Variants in EXOSC10 observed in about 807,000 individuals in gnomAD.
The protein encoded by EXOSC10 is exosome component 10.
A neutral mutation model predicts 126.6 loss-of-function variants in EXOSC10; 94 were observed. The ratio of observed to expected loss-of-function variants is 0.74; its 90% CI spans 0.63 to 0.88. The LOEUF (loss-of-function observed/expected upper bound fraction) is 0.88. Among genes scored for constraint, EXOSC10 ranks in the 40% least tolerant of loss-of-function variants. EXOSC10 has a pLI of 0.00. For synonymous variants in EXOSC10, 395 were observed against 400.8 expected (o/e 0.99, Z 0.17); for missense variants, 1,041 against 1,100.5 (o/e 0.95, Z 0.77).
intron 21 of EXOSC10, 92 bp from the exon 22 acceptor site, chr1:11,069,822 C>CAT: frequency 7.4e-7 from 1 of 1,359,590 alleles, no homozygotes; most frequent in East Asian, 2.3e-5. Context: ...GACCCAGCTG[C>CAT]CTAAGTGGTA....
chr1:11,096,467 C>CT lies in EXOSC10; in HGVS notation c.249-587dup, dbSNP rs1273630166. ...GCCCAGCCTTTTTCTTTCTTTCTTTCTTTCTTTTTTTTTTTTTTTTTTTTA... is the reference window on the plus strand; with the variant it reads ...GCCCAGCCTTTTTCTTTCTTTCTTTCTTTTCTTTTTTTTTTTTTTTTTTTTA... On this transcript the variant is annotated intron_variant, in intron 2 of 24. Coordinates refer to ENST00000376936, the MANE Select transcript of EXOSC10 (RefSeq NM_001001998.3). Among the ~76,000 whole-genome samples the CT allele has an allele frequency of 7.7e-3, 999 of 129,582 alleles. 8 individuals carry two copies. Among genetic ancestry groups the CT allele is most frequent in the African/African-American group, 0.019 (689 of 36,632 alleles). The allele number at this position is 129,582 out of a possible 152,430, so 85.0% of individuals were successfully genotyped here.
Position 11,088,100 on chromosome 1 carries a change from TTAAAC to T in EXOSC10, c.834+18_834+22del. 6.3e-7 allele frequency: 1 copy of T among 1,597,446 alleles called. No individual in the cohort carries two copies. The highest frequency in any genetic ancestry group is 8.6e-7 in the Non-Finnish European group (1 of 1,168,624). On this transcript the variant is annotated intron_variant, in intron 7 of 24. Transcript: ENST00000376936. ...CCTCTTGGGCTACTACACGGCACCTTTAAACTAAGGCTGGGTACTAACCTGGGGTT... is the reference window on the plus strand; with the variant it reads ...CCTCTTGGGCTACTACACGGCACCTTTAAGGCTGGGTACTAACCTGGGGTT...
chr1:11,097,271 G>A lies in EXOSC10; in HGVS notation c.248+749C>T, dbSNP rs552652237. On this transcript the variant is annotated intron_variant, in intron 2 of 24. Transcript: ENST00000376936. ...TGTACACCTATAATCCCAGCTACTC[G>A]GGAGGCTGAGGCAGGAGAATCGCTT... is the stretch of plus-strand genomic sequence containing the variant. Among the ~76,000 whole-genome samples, 19 of 151,724 alleles carry A rather than the reference G, an allele frequency of 1.3e-4. No homozygotes were observed. The East Asian group carries it at 3.5e-3, about 28-fold the overall frequency.
intron 10 of EXOSC10, 84 bp from the exon 11 acceptor site, chr1:11,081,322 C>T: frequency 6.9e-7 from 1 of 1,453,080 alleles, no homozygotes; most frequent in African/African-American, 1.4e-5. Flanking sequence ...CTGGGACTTC[C>T]TTAGACCCTT....
chr1:11,069,203 T>C (rs1008892426), intron 22 of EXOSC10, among the ~76,000 whole-genome samples: 1 of 91,006 alleles, frequency 1.1e-5, no homozygotes, highest in African/African-American at 2.9e-5. Flanking sequence ...TCATAGGCTT[T>C]GAGATTTTTC....
At chr1:11,066,914 C>CAT (rs1639130367) in intron 24 of EXOSC10, among the ~76,000 whole-genome samples, 166 bp from the exon 25 acceptor site, 1 of 152,248 alleles carries the variant, frequency 6.6e-6, no homozygotes, top group Non-Finnish European at 1.5e-5. Context: ...AGCTGAGCAG[C>CAT]ATCTTGAGAA....
At chr1:11,085,978 A>C (rs1479343356) in intron 9 of EXOSC10, among the ~76,000 whole-genome samples, 1 of 151,848 alleles carries the variant, frequency 6.6e-6, no homozygotes, top group East Asian at 1.9e-4. Context: ...AGCCCACTTG[A>C]TCATGGTGGA....
Position 11,074,309 on chromosome 1 carries a change from G to A in EXOSC10, c.2004C>T (p.Asp668=), listed in dbSNP as rs768902618. 3 of 1,613,832 alleles carry A rather than the reference G, an allele frequency of 1.9e-6. No individual in the cohort carries two copies. Among genetic ancestry groups the A allele is most frequent in the South Asian group, 2.2e-5 (2 of 91,080 alleles). ...CAACTGTCAATGGACCCTTTTTACTGTCTTCAGCACTAGGTTCCTGCAGGG... is the reference window on the plus strand; with the variant it reads ...CAACTGTCAATGGACCCTTTTTACTATCTTCAGCACTAGGTTCCTGCAGGG... ...ITLFNEPSAE[D]SKKGPLTVAQ... Residue 668 remains aspartate (D), a synonymous_variant, in exon 18 of 25, where the codon GAC becomes GAT. Transcript: ENST00000376936.
At chr1:11,091,439 ATC>A (rs972697233) in intron 4 of EXOSC10, 52 bp downstream of exon 4, 11 of 1,473,232 alleles carry the variant, frequency 7.5e-6, no homozygotes, top group African/African-American at 2.8e-5. Flanking sequence ...AATGAGCAAA[ATC>A]TCTGTTATGA....
chr1:11,073,323 G>T (rs933115801), intron 19 of EXOSC10, among the ~76,000 whole-genome samples: 1 of 151,886 alleles, frequency 6.6e-6, no homozygotes, highest in Admixed American at 6.6e-5. Context: ...TAGTAGAGAC[G>T]GGGTTTCACC....
At chr1:11,082,646 T>G in intron 10 of EXOSC10, 42 bp downstream of exon 10, 6 of 1,609,462 alleles carry the variant, frequency 3.7e-6, no homozygotes, top group Non-Finnish European at 4.2e-6. Context: ...GAATAATCAC[T>G]TTCTTCTGCC....
chr1:11,072,020 C>T, intron 20 of EXOSC10, 67 bp downstream of exon 20: 1 of 1,348,954 alleles, frequency 7.4e-7, no homozygotes, highest in South Asian at 1.2e-5. Context: ...TGGCACTTGG[C>T]TGAAACAGCG....
intron 9 of EXOSC10, among the ~76,000 whole-genome samples, chr1:11,085,367 G>A (rs919699030): frequency 6.6e-6 from 1 of 152,106 alleles, no homozygotes; most frequent in Non-Finnish European, 1.5e-5. Flanking sequence ...TGGATTCCTA[G>A]GTATTTCATT....
At position 11,082,828 on chromosome 1, in the gene EXOSC10, C is replaced by A; in HGVS notation, c.1140G>T (p.Gly380=). ...TATCAAACATGTTTACTACATACAA[C>A]CCAAAGTCTTTCTGTAGCCATTCTA... ...SDIEWLQKDF[G]LYVVNMFDTH... is the part of the protein sequence containing the mutation. Residue 380 remains glycine (G), a synonymous_variant, in exon 10 of 25, where the codon GGG becomes GGT. Coordinates refer to ENST00000376936, the MANE Select transcript of EXOSC10 (RefSeq NM_001001998.3). 1.2e-6 allele frequency: 2 copies of A among 1,614,194 alleles called. No individual in the cohort carries two copies. The highest frequency in any genetic ancestry group is 1.7e-6 in the Non-Finnish European group (2 of 1,180,030).
At chr1:11,082,458 C>A (rs1397450749) in intron 10 of EXOSC10, 1 of 1,101,826 alleles carries the variant, frequency 9.1e-7, no homozygotes, top group African/African-American at 1.6e-5. Flanking sequence ...TCTTTTTCAA[C>A]CACTATTTCC....
intron 22 of EXOSC10, 148 bp downstream of exon 22, chr1:11,069,411 C>T: frequency 1.1e-6 from 1 of 921,346 alleles, no homozygotes. Context: ...TCCACATTGC[C>T]ACGGCCTCTC....
intron 3 of EXOSC10, among the ~76,000 whole-genome samples, chr1:11,094,244 C>T (rs1640946795): frequency 6.6e-6 from 1 of 150,812 alleles, no homozygotes; most frequent in South Asian, 2.1e-4. Flanking sequence ...TCCTACAGTG[C>T]TAGGATTACA....
At chr1:11,071,228 T>C in intron 20 of EXOSC10, 1 of 484,886 alleles carries the variant, frequency 2.1e-6, no homozygotes. Flanking sequence ...ACCTAAATGC[T>C]CAGTGGCCTG....
In EXOSC10 at chr1:11,089,618, T is replaced by TCCCCC. The variant is rs1435710780; in HGVS notation, c.758+935_758+936insGGGGG. Among the ~76,000 whole-genome samples the TCCCCC allele has an allele frequency of 4.5e-3, 520 of 115,286 alleles. 9 individuals carry two copies. Among genetic ancestry groups the TCCCCC allele is most frequent in the African/African-American group, 0.016 (492 of 29,872 alleles). The allele number at this position is 115,286 out of a possible 152,430, so 75.6% of individuals were successfully genotyped here. A position where few individuals can be genotyped will look rare whatever the true frequency, so the allele number is the denominator to read the frequency against. The stretch of plus-strand genomic sequence containing the variant: ...CCTGAGCAACAAGAGCGAAACTCCG[T>TCCCCC]CCCAAAAAAAAAAAAAAAGAAAGAA... On this transcript the variant is annotated intron_variant, in intron 6 of 24. Coordinates refer to ENST00000376936, the MANE Select transcript of EXOSC10 (RefSeq NM_001001998.3).
Sources: allele counts gnomAD v4.1 joint callset (sites outside exome capture counted in the v4.1 genomes callset), GRCh38; gene constraint gnomAD v4.1.1; transcripts MANE v1.5; gene names NCBI Gene and HGNC (gene_info 2026-07-23, HGNC 2026-07-21).